The following RBFOX1 variants were observed in gnomAD, a reference collection of about 807,000 sequenced individuals.
RBFOX1 encodes RNA binding protein fox-1 homolog 1.
Under a neutral mutation model 57.7 loss-of-function variants are expected in RBFOX1, and 8 were observed. That is an observed-to-expected ratio of 0.14 (90% confidence interval 0.08 to 0.25). The LOEUF (loss-of-function observed/expected upper bound fraction) is 0.25. Ranked by LOEUF, RBFOX1 falls within the 10% of genes least tolerant of loss-of-function variation. The pLI, the probability that RBFOX1 is intolerant of heterozygous loss-of-function variation, is 1.00. For synonymous variants in RBFOX1, 326 were observed against 222.4 expected, an observed-to-expected ratio of 1.47 and a Z score of -4.15; for missense variants, 611 against 548.5, an observed-to-expected ratio of 1.11 and a Z score of -1.14.
At chr16:6,826,156 G>C (rs532707155) in intron 3 of RBFOX1, among the ~76,000 whole-genome samples, 1 of 152,018 alleles carries the variant, frequency 6.6e-6, no homozygotes, top group Non-Finnish European at 1.5e-5. Context: ...TTCTCATCTG[G>C]AGAAGACAGG....
intron 1 of RBFOX1, among the ~76,000 whole-genome samples, chr16:6,085,005 A>G (rs991027103): frequency 3.9e-5 from 6 of 152,172 alleles, no homozygotes; most frequent in African/African-American, 7.2e-5. Context: ...CTTTTCCCCA[A>G]TCAACTTGTG....
chr16:6,567,442 G>T (rs2097282655), intron 2 of RBFOX1, among the ~76,000 whole-genome samples: 1 of 152,156 alleles, frequency 6.6e-6, no homozygotes, highest in Admixed American at 6.5e-5. Flanking sequence ...CATGATTCAG[G>T]ACTCTTCTCA....
At chr16:6,909,084 T>C (rs1167210018) in intron 3 of RBFOX1, among the ~76,000 whole-genome samples, 2 of 152,168 alleles carry the variant, frequency 1.3e-5, no homozygotes, top group African/African-American at 2.4e-5. Flanking sequence ...ACAACACAAA[T>C]GTATTTTCTT....
intron 3 of RBFOX1, among the ~76,000 whole-genome samples, chr16:6,941,084 G>A (rs1436900166): frequency 2.6e-5 from 4 of 152,022 alleles, no homozygotes; most frequent in African/African-American, 4.8e-5. Context: ...ATGGAGGTGG[G>A]TAGTTAAACA....
intron 3 of RBFOX1, among the ~76,000 whole-genome samples, chr16:6,952,397 A>G (rs1358804047): frequency 6.6e-6 from 1 of 152,202 alleles, no homozygotes; most frequent in East Asian, 1.9e-4. Flanking sequence ...CTGTAATCCC[A>G]GCACTTTGTG....
intron 5 of RBFOX1, among the ~76,000 whole-genome samples, chr16:7,538,212 G>A (rs181754541): frequency 1.8e-4 from 27 of 152,278 alleles, no homozygotes; most frequent in East Asian, 1.4e-3. Flanking sequence ...AGGCTATCTC[G>A]TGCCTGGGCT....
chr16:7,009,801 A>G (rs189880905), intron 3 of RBFOX1, among the ~76,000 whole-genome samples: 3 of 152,342 alleles, frequency 2.0e-5, no homozygotes, highest in African/African-American at 7.2e-5. Flanking sequence ...GCCTTGTGAA[A>G]AATAATACTA....
Position 7,318,209 on chromosome 16 carries a change from G to C in RBFOX1, c.28-199938G>C, listed in dbSNP as rs117830696. 6.8e-4 allele frequency among the ~76,000 whole-genome samples: 103 copies of C among 152,154 alleles called. 1 individual carries two copies. In the East Asian group the frequency reaches 9.5e-3, roughly 14 times the overall value. On this transcript the variant is annotated intron_variant, in intron 4 of 15. Transcript: ENST00000550418. Reference sequence around the variant, plus strand: ...TGATAGTGATGGTGTTGATAGTGGTGTTGGTGGTGATGGCCATGGTAATGG... The same window carrying C: ...TGATAGTGATGGTGTTGATAGTGGTCTTGGTGGTGATGGCCATGGTAATGG...
chr16:5,261,327 T>C (rs1425943609), intron 1 of RBFOX1, among the ~76,000 whole-genome samples: 1 of 152,158 alleles, frequency 6.6e-6, no homozygotes, highest in African/African-American at 2.4e-5. Context: ...AATTCACAAG[T>C]TGCTTATTTT....
At chr16:7,051,385 G>C (rs1034710501) in intron 3 of RBFOX1, among the ~76,000 whole-genome samples, 1 of 152,198 alleles carries the variant, frequency 6.6e-6, no homozygotes, top group Non-Finnish European at 1.5e-5. Flanking sequence ...AGCGTCCTTG[G>C]ACATTAAGTA....
intron 1 of RBFOX1, among the ~76,000 whole-genome samples, chr16:6,115,217 T>C (rs762338339): frequency 1.1e-4 from 17 of 152,222 alleles, no homozygotes; most frequent in Non-Finnish European, 2.5e-4. Context: ...AAATATGTCC[T>C]GCCAGTCTCC....
intron 3 of RBFOX1, among the ~76,000 whole-genome samples, chr16:5,846,478 T>G (rs913640054): frequency 2.0e-5 from 3 of 152,162 alleles, no homozygotes; most frequent in Non-Finnish European, 2.9e-5. Flanking sequence ...AACCATCTCA[T>G]CTATTCCTCA....
chr16:7,071,185 G>A (rs2057260051), intron 4 of RBFOX1, among the ~76,000 whole-genome samples: 1 of 152,036 alleles, frequency 6.6e-6, no homozygotes, highest in African/African-American at 2.4e-5. Flanking sequence ...TTGGTTCTTA[G>A]GTATCACAGA....
chr16:5,729,965 A>C (rs1014364285), intron 3 of RBFOX1, among the ~76,000 whole-genome samples: 3 of 152,168 alleles, frequency 2.0e-5, no homozygotes, highest in African/African-American at 7.2e-5. Context: ...CTGCCTTTGG[A>C]GAACCACTGT....
At chr16:5,980,141 C>G (rs1377036306) in intron 4 of RBFOX1, among the ~76,000 whole-genome samples, 1 of 152,216 alleles carries the variant, frequency 6.6e-6, no homozygotes, top group Non-Finnish European at 1.5e-5. Flanking sequence ...GCAATCTTAG[C>G]TATCATAAAC....
At chr16:6,733,952 T>C (rs1056288439) in intron 3 of RBFOX1, among the ~76,000 whole-genome samples, 14 of 152,194 alleles carry the variant, frequency 9.2e-5, no homozygotes, top group Admixed American at 9.2e-4. Context: ...TCGTTGTCTA[T>C]CTTTAAGGGT....
At chr16:6,224,557 G>T (rs2097401718) in intron 1 of RBFOX1, among the ~76,000 whole-genome samples, 1 of 152,124 alleles carries the variant, frequency 6.6e-6, no homozygotes, top group Non-Finnish European at 1.5e-5. Context: ...TAAAGTCACT[G>T]CAGTTGGTGT....
intron 3 of RBFOX1, among the ~76,000 whole-genome samples, chr16:5,688,499 A>T (rs1390285425): frequency 6.6e-6 from 1 of 152,132 alleles, no homozygotes; most frequent in African/African-American, 2.4e-5. Context: ...TTGTAAGAAT[A>T]CAGAGAGGTG....
intron 4 of RBFOX1, among the ~76,000 whole-genome samples, chr16:7,456,811 G>T (rs2058604366): frequency 6.6e-6 from 1 of 152,132 alleles, no homozygotes; most frequent in Non-Finnish European, 1.5e-5. Flanking sequence ...TTCTATTCAA[G>T]CCCTGAGCCC....
Sources: gnomAD v4.1 joint callset for allele counts (sites outside exome capture counted in the v4.1 genomes callset) on GRCh38, gnomAD v4.1.1 for gene constraint, MANE v1.5 for transcripts, NCBI Gene and HGNC (gene_info 2026-07-23, HGNC 2026-07-21) for gene names.